Variants in FOXP2 observed in about 807,000 individuals in gnomAD.
FOXP2 encodes forkhead box protein P2.
FOXP2 carries 12 observed loss-of-function variants against 115.8 expected under a neutral mutation model. The observed-to-expected ratio is 0.10, with a 90% CI of 0.07 to 0.17. FOXP2 has a LOEUF of 0.17. Among genes scored for constraint, FOXP2 ranks in the 10% least tolerant of loss-of-function variants. The pLI, the probability that FOXP2 is intolerant of heterozygous loss-of-function variation, is 1.00. For synonymous variants in FOXP2, 328 were observed against 297.7 expected (o/e 1.10, Z -1.05); for missense variants, 629 against 843.5 (o/e 0.75, Z 3.15).
At chr7:114,384,144 G>A (rs1459917750) in intron 2 of FOXP2, among the ~76,000 whole-genome samples, 1 of 150,040 alleles carries the variant, frequency 6.7e-6, no homozygotes, top group Non-Finnish European at 1.5e-5. Flanking sequence ...TCCTGCACCT[G>A]TTTTCCTGCC....
intron 3 of FOXP2, among the ~76,000 whole-genome samples, chr7:114,562,330 A>G (rs1439342077): frequency 6.6e-6 from 1 of 152,154 alleles, no homozygotes; most frequent in African/African-American, 2.4e-5. Flanking sequence ...ACAAGTCTCT[A>G]GACACCTTAC....
intron 9 of FOXP2, 74 bp downstream of exon 9, chr7:114,652,364 G>C: frequency 7.5e-7 from 1 of 1,342,178 alleles, no homozygotes; most frequent in Non-Finnish European, 1.1e-6. Context: ...GCAGATTCTG[G>C]GTCTTTCAGC....
intron 3 of FOXP2, among the ~76,000 whole-genome samples, chr7:114,586,944 T>C (rs1335917733): frequency 6.6e-6 from 1 of 152,166 alleles, no homozygotes; most frequent in African/African-American, 2.4e-5. Flanking sequence ...TAAAGGTAGT[T>C]TTACTAACAA....
intron 2 of FOXP2, among the ~76,000 whole-genome samples, chr7:114,292,794 G>A (rs11981044): frequency 0.026 from 3,957 of 152,170 alleles, 58 homozygotes; most frequent in Middle Eastern, 0.037. Context: ...TCATTTGTGT[G>A]TTTCTTACAA....
chr7:114,309,305 T>C (rs891537131), intron 2 of FOXP2, among the ~76,000 whole-genome samples: 3 of 152,214 alleles, frequency 2.0e-5, no homozygotes, highest in African/African-American at 7.2e-5. Context: ...TTATCTATAA[T>C]GTTAGACCCT....
chr7:114,151,622 A>T (rs1425474854), intron 1 of FOXP2, among the ~76,000 whole-genome samples: 1 of 152,042 alleles, frequency 6.6e-6, no homozygotes, highest in Non-Finnish European at 1.5e-5. Context: ...TATAATTCAG[A>T]CATTATTTGA....
intron 2 of FOXP2, among the ~76,000 whole-genome samples, chr7:114,427,272 T>C (rs1436518999): frequency 6.6e-6 from 1 of 151,642 alleles, no homozygotes; most frequent in Non-Finnish European, 1.5e-5. Context: ...TTTTGTGTTC[T>C]CCTAAGTGTC....
intron 2 of FOXP2, among the ~76,000 whole-genome samples, chr7:114,478,201 C>G (rs1347899848): frequency 6.6e-6 from 1 of 151,618 alleles, no homozygotes; most frequent in African/African-American, 2.4e-5. Flanking sequence ...CAAAATAATC[C>G]ATCATAATGA....
At chr7:114,172,125 T>C (rs1295325587) in intron 1 of FOXP2, among the ~76,000 whole-genome samples, 3 of 152,204 alleles carry the variant, frequency 2.0e-5, no homozygotes, top group Non-Finnish European at 2.9e-5. Context: ...GGCGTGTACA[T>C]TTTTTAAAGA....
intron 1 of FOXP2, among the ~76,000 whole-genome samples, chr7:114,256,581 T>C (rs1352953895): frequency 6.6e-6 from 1 of 152,250 alleles, no homozygotes; most frequent in African/African-American, 2.4e-5. Flanking sequence ...CTTAAGTTTC[T>C]TGTAGACTCT....
rs576056747 is a variant in FOXP2 at position 114,244,685 on chromosome 7, C to T, written c.-101-43334C>T. ...TTCTTATAAAGTTGATATATAAGTACTGATATACTAATACTGGCATGTTAA... is the reference window on the plus strand; with the variant it reads ...TTCTTATAAAGTTGATATATAAGTATTGATATACTAATACTGGCATGTTAA... On this transcript the variant is annotated intron_variant, in intron 1 of 17. Coordinates refer to the FOXP2 transcript ENST00000634411. Among the ~76,000 whole-genome samples, 94 of 152,080 alleles carry T rather than the reference C, an allele frequency of 6.2e-4. 1 individual carries two copies. The highest frequency in any genetic ancestry group is 2.2e-3 in the African/African-American group (90 of 41,468).
intron 6 of FOXP2, among the ~76,000 whole-genome samples, chr7:114,636,348 A>G (rs1025221744): frequency 1.3e-5 from 2 of 152,188 alleles, no homozygotes; most frequent in Non-Finnish European, 2.9e-5. Context: ...ATTTAAGATG[A>G]AAACTGAAAA....
chr7:114,459,691 CA>C (rs374180738), intron 2 of FOXP2, among the ~76,000 whole-genome samples: 498 of 151,916 alleles, frequency 3.3e-3, no homozygotes, highest in African/African-American at 0.012. Context: ...TCTCGGCTCA[CA>C]GCAACCTCCA....
intron 1 of FOXP2, among the ~76,000 whole-genome samples, chr7:114,184,766 A>G (rs1376708970): frequency 6.6e-6 from 1 of 152,190 alleles, no homozygotes; most frequent in Non-Finnish European, 1.5e-5. Flanking sequence ...CCATGCTGTA[A>G]TATATATGCA....
At chr7:114,549,409 G>A (rs1800092522) in intron 3 of FOXP2, among the ~76,000 whole-genome samples, 1 of 152,088 alleles carries the variant, frequency 6.6e-6, no homozygotes, top group Non-Finnish European at 1.5e-5. Context: ...TCTTGGTTTG[G>A]GGGAATAGAA....
intron 1 of FOXP2, among the ~76,000 whole-genome samples, chr7:114,206,666 C>A (rs1794209839): frequency 6.6e-6 from 1 of 152,114 alleles, no homozygotes; most frequent in African/African-American, 2.4e-5. Flanking sequence ...GGAATGAAAG[C>A]TCCATGAGTC....
chr7:114,388,680 AAAATTTCTT>A (rs1450180093), intron 2 of FOXP2, among the ~76,000 whole-genome samples: 1 of 152,222 alleles, frequency 6.6e-6, no homozygotes, highest in East Asian at 1.9e-4. Flanking sequence ...AGATTATAAC[AAAATTTCTT>A]AAATTTCAGC....
chr7:114,145,481 C>CTTTTCTTTTT (rs1177665919), intron 1 of FOXP2, among the ~76,000 whole-genome samples: 1 of 126,082 alleles, frequency 7.9e-6, no homozygotes, highest in Non-Finnish European at 1.6e-5. Flanking sequence ...CTTTTCTTTT[C>CTTTTCTTTTT]TTTTCTTTTC....
chr7:114,324,055 C>T (rs1412714190), intron 2 of FOXP2, among the ~76,000 whole-genome samples: 1 of 151,878 alleles, frequency 6.6e-6, no homozygotes. Context: ...GATTGTGATT[C>T]TGGCCTCATC....
Sources: gnomAD v4.1 joint callset for allele counts (sites outside exome capture counted in the v4.1 genomes callset) on GRCh38, gnomAD v4.1.1 for gene constraint, MANE v1.5 for transcripts, NCBI Gene and HGNC (gene_info 2026-07-23, HGNC 2026-07-21) for gene names.